Variants in XPO4 observed in about 807,000 individuals in gnomAD.
XPO4 encodes the protein exportin-4.
XPO4 carries 39 observed loss-of-function variants against 143.0 expected under a neutral mutation model. The observed-to-expected ratio is 0.27, with a 90% confidence interval of 0.21 to 0.36. The LOEUF is 0.36. Ranked by LOEUF, XPO4 falls within the 10% of genes least tolerant of loss-of-function variation. The pLI is 1.00. For missense variants in XPO4, 907 were observed against 1,348.0 expected, an observed-to-expected ratio of 0.67 and a Z score of 5.12; for synonymous variants, 439 against 474.0, an observed-to-expected ratio of 0.93 and a Z score of 0.96.
Position 20,868,575 on chromosome 13 carries a change from ATTTTT to A in XPO4, c.175+16_175+20del, listed in dbSNP as rs762751500. The A allele has an allele frequency of 1.9e-6, 3 of 1,606,218 alleles. No homozygotes were observed. Among genetic ancestry groups the A allele is most frequent in the Non-Finnish European group, 2.5e-6 (3 of 1,177,554 alleles). On this transcript the variant is annotated intron_variant, in intron 2 of 22. Coordinates refer to ENST00000255305, the MANE Select transcript of XPO4 (RefSeq NM_022459.5). Reference sequence around the variant, plus strand: ...ATCTGATTATGCCAAAATATTTTATATTTTTTAAGTGAATACTTACCCAAAATATG... The same window carrying A: ...ATCTGATTATGCCAAAATATTTTATATAAGTGAATACTTACCCAAAATATG...
intron 21 of XPO4, 80 bp from the exon 22 acceptor site, chr13:20,787,137 AAG>A: frequency 1.7e-6 from 2 of 1,185,186 alleles, no homozygotes; most frequent in Non-Finnish European, 2.4e-6. Context: ...AAAAAAGAAG[AAG>A]AGAGGGTTGG....
At chr13:20,852,264 T>A (rs1272996392) in intron 4 of XPO4, 1 of 985,320 alleles carries the variant, frequency 1.0e-6, no homozygotes, top group Admixed American at 6.1e-5. Flanking sequence ...TACTGCACAC[T>A]GTCAAAATGA....
Position 20,855,714 on chromosome 13 carries a change from T to C in XPO4, c.369A>G (p.Val123=), listed in dbSNP as rs1475650328. Residue 123 remains valine (V), a synonymous_variant, in exon 4 of 23, where the codon GTA becomes GTG. Transcript: ENST00000255305. ...TTGATTTATCTAATGATCCTCTTTTTACAATTACTGCTACTGCTAGTAGAA... is the reference window on the plus strand; with the variant it reads ...TTGATTTATCTAATGATCCTCTTTTCACAATTACTGCTACTGCTAGTAGAA... ...EQILLAVAVI[V]KRGSLDKSID... 2.5e-6 allele frequency: 4 copies of C among 1,611,250 alleles called. No homozygotes were observed. The highest frequency in any genetic ancestry group is 1.1e-5 in the South Asian group (1 of 90,136).
intron 7 of XPO4, among the ~76,000 whole-genome samples, chr13:20,825,681 C>T (rs1447113931): frequency 1.3e-5 from 2 of 152,104 alleles, no homozygotes; most frequent in African/African-American, 4.8e-5. Context: ...CAGTCAAGTG[C>T]ATAATACAAA....
chr13:20,902,210 G>A lies in XPO4; in HGVS notation c.69+460C>T, dbSNP rs993370623. ...GCATGTCAGGGAAGCGCTAGAGGAT[G>A]CGAATGCACAGGAAACAAGGGTTGC... On this transcript the variant is annotated intron_variant, in intron 1 of 22. Transcript: ENST00000255305. 1.4e-5 allele frequency: 14 copies of A among 985,242 alleles called. No individual in the cohort carries two copies. In the African/African-American group the frequency reaches 2.3e-4, roughly 16 times the overall value. 61.0% of individuals were successfully genotyped at this position (985,242 alleles called of 1,614,324 possible). A position where few individuals can be genotyped will look rare whatever the true frequency, so the allele number is the denominator to read the frequency against.
In XPO4 at chr13:20,787,020, G is replaced by A. The variant is rs1179672554; in HGVS notation, c.3203C>T (p.Thr1068Ile). Residue 1068 changes from threonine to isoleucine, a missense_variant, in exon 22 of 23, where the codon ACA becomes ATA. Physicochemically the swap from Thr to Ile is moderately conservative, Grantham distance 89. Coordinates refer to ENST00000255305, the MANE Select transcript of XPO4 (RefSeq NM_022459.5). Reference sequence around the variant, plus strand: ...TTCGCCAGCCGCAGTGGTCATCTCTGTGTTGTGCTTTTGCAAAACCAGCAT... The same window carrying A: ...TTCGCCAGCCGCAGTGGTCATCTCTATGTTGTGCTTTTGCAAAACCAGCAT... ...FDMLVLQKHN[T>I]EMTTAAGEAF... 1 of 1,567,770 alleles carries A rather than the reference G, an allele frequency of 6.4e-7. No homozygotes were observed.
At chr13:20,804,929 C>T (rs1315042778) in intron 13 of XPO4, among the ~76,000 whole-genome samples, 6 of 150,048 alleles carry the variant, frequency 4.0e-5, no homozygotes, top group Admixed American at 2.0e-4. Flanking sequence ...CCATCATTTA[C>T]TCTCGGGTTT....
intron 13 of XPO4, among the ~76,000 whole-genome samples, chr13:20,806,208 A>AT (rs1296437050): frequency 6.6e-6 from 1 of 152,352 alleles, no homozygotes; most frequent in South Asian, 2.1e-4. Flanking sequence ...AAATGAATAT[A>AT]TAACTTTTTC....
chr13:20,791,297 T>C (rs1047619653), intron 18 of XPO4, among the ~76,000 whole-genome samples: 1 of 152,198 alleles, frequency 6.6e-6, no homozygotes, highest in African/African-American at 2.4e-5. Flanking sequence ...GTAAAAATGA[T>C]AACATTTCAT....
At chr13:20,850,748 G>C (rs2060076585) in intron 4 of XPO4, 1 of 962,356 alleles carries the variant, frequency 1.0e-6, no homozygotes, top group Admixed American at 6.2e-5. Flanking sequence ...CCAGGCGATA[G>C]AGCGAGGCCC....
chr13:20,889,228 T>C (rs151239679), intron 1 of XPO4, among the ~76,000 whole-genome samples: 410 of 152,340 alleles, frequency 2.7e-3, no homozygotes, highest in African/African-American at 9.2e-3. Flanking sequence ...TCAAGTGCCA[T>C]GTGCGCATGG....
intron 1 of XPO4, among the ~76,000 whole-genome samples, chr13:20,890,332 C>T (rs1465076525): frequency 2.6e-5 from 4 of 151,862 alleles, no homozygotes; most frequent in African/African-American, 9.7e-5. Flanking sequence ...TGCTTATAGT[C>T]CCAGCTACCT....
At chr13:20,807,122 T>C (rs2059518560) in intron 13 of XPO4, among the ~76,000 whole-genome samples, 1 of 152,214 alleles carries the variant, frequency 6.6e-6, no homozygotes, top group African/African-American at 2.4e-5. Flanking sequence ...GTTCCCTTCA[T>C]TTAGGGCGCC....
At chr13:20,810,767 T>G (rs115021050) in intron 9 of XPO4, among the ~76,000 whole-genome samples, 1 of 152,348 alleles carries the variant, frequency 6.6e-6, no homozygotes, top group African/African-American at 2.4e-5. Flanking sequence ...TAGACCTGTA[T>G]GAGATCCACT....
At chr13:20,788,036 G>A (rs568405984) in intron 20 of XPO4, among the ~76,000 whole-genome samples, 27 of 149,996 alleles carry the variant, frequency 1.8e-4, no homozygotes, top group African/African-American at 6.2e-4. Context: ...AGTTACAGAG[G>A]TGACAGTTTT....
Position 20,781,665 on chromosome 13 carries a change from C to G in XPO4, c.*2057G>C, listed in dbSNP as rs948874808. On this transcript the variant is annotated 3_prime_UTR_variant, in exon 23 of 23. Coordinates refer to ENST00000255305, the MANE Select transcript of XPO4 (RefSeq NM_022459.5). ...ACCAAGGCATTCCTTTCCCACTCCT[C>G]TTTAGTTTTAATAACTTGATTATAG... 3.9e-5 allele frequency: 6 copies of G among 152,206 alleles called. No homozygotes were observed. Among genetic ancestry groups the G allele is most frequent in the African/African-American group, 1.2e-4 (5 of 41,434 alleles). The allele number at this position is 152,206 out of a possible 1,614,324, so 9.4% of individuals were successfully genotyped here.
chr13:20,812,796 ACT>A (rs2059599354), intron 9 of XPO4, among the ~76,000 whole-genome samples: 1 of 152,116 alleles, frequency 6.6e-6, no homozygotes, highest in African/African-American at 2.4e-5. Flanking sequence ...GCACATGGAA[ACT>A]CTCTGTACTG....
chr13:20,833,049 T>C (rs2059872319), intron 6 of XPO4, among the ~76,000 whole-genome samples: 1 of 152,192 alleles, frequency 6.6e-6, no homozygotes, highest in Non-Finnish European at 1.5e-5. Context: ...ACATTCTTGT[T>C]ACAAAATGAT....
chr13:20,792,723 C>CAAAAAA (rs748612077), intron 18 of XPO4, among the ~76,000 whole-genome samples: 2 of 98,084 alleles, frequency 2.0e-5, no homozygotes, highest in African/African-American at 4.0e-5. Context: ...CTCTGTCTCA[C>CAAAAAA]AAAAAAAAAA....
Sources: gnomAD v4.1 joint callset for allele counts (sites outside exome capture counted in the v4.1 genomes callset) on GRCh38, gnomAD v4.1.1 for gene constraint, MANE v1.5 for transcripts, NCBI Gene and HGNC (gene_info 2026-07-23, HGNC 2026-07-21) for gene names.